MYO5B: variants seen among roughly 807,000 people sequenced by gnomAD.
The protein encoded by MYO5B is myosin VB.
In MYO5B, 143 loss-of-function variants were observed where a neutral mutation model predicts 229.3. The ratio of observed to expected loss-of-function variants is 0.62; its 90% CI spans 0.54 to 0.72. The LOEUF (loss-of-function observed/expected upper bound fraction) is 0.72, where lower values mean the gene tolerates loss of function less well. MYO5B is among the 30% of genes least tolerant of loss of function. The pLI is 0.00. For synonymous variants in MYO5B, 918 were observed against 885.2 expected, an observed-to-expected ratio of 1.04 and a Z score of -0.66; for missense variants, 2,321 against 2,331.0, an observed-to-expected ratio of 1.00 and a Z score of 0.09.
intron 4 of MYO5B, among the ~76,000 whole-genome samples, chr18:50,028,330 T>C (rs184917796): frequency 2.0e-5 from 3 of 152,322 alleles, no homozygotes; most frequent in East Asian, 3.9e-4. Context: ...AAATGCATTT[T>C]CAGGCTCCAT....
At chr18:49,865,937 T>C (rs2024390326) in intron 27 of MYO5B, among the ~76,000 whole-genome samples, 1 of 151,770 alleles carries the variant, frequency 6.6e-6, no homozygotes, top group African/African-American at 2.4e-5. Flanking sequence ...ACACATAACC[T>C]CTCCTCTCCA....
In MYO5B at chr18:49,955,398, C is replaced by G. The variant is rs552984549; in HGVS notation, c.1546-963G>C. On this transcript the variant is annotated intron_variant, in intron 12 of 39. Transcript: ENST00000285039. ...CCTCCTCTGTCATCCCTGGTCATCG[C>G]TGCACACACTTACTGACCAGTATCA... 1.4e-4 allele frequency among the ~76,000 whole-genome samples: 21 copies of G among 152,376 alleles called. No individual in the cohort carries two copies. In the East Asian group the frequency reaches 3.1e-3, roughly 22 times the overall value.
In MYO5B at chr18:50,167,641, C is replaced by T. The variant is rs61037941; in HGVS notation, c.27+27126G>A. Among the ~76,000 whole-genome samples, 672 of 152,312 alleles carry T rather than the reference C, an allele frequency of 4.4e-3. 7 individuals are homozygous for T. The highest frequency in any genetic ancestry group is 0.015 in the African/African-American group (627 of 41,562). ...CCAGCTATTTGTCCTCTAACCCAAA[C>T]CCTGCTGGCTGTTTAGGATCTGGTT... is the stretch of plus-strand genomic sequence containing the variant. On this transcript the variant is annotated intron_variant, in intron 1 of 39. Transcript: ENST00000285039.
chr18:49,966,147 C>T (rs1194547641), intron 10 of MYO5B, among the ~76,000 whole-genome samples: 3 of 152,122 alleles, frequency 2.0e-5, no homozygotes, highest in Non-Finnish European at 2.9e-5. Context: ...CCCAAAGGGG[C>T]CGGGCCGGTG....
chr18:49,863,044 G>C (rs2024349965), intron 29 of MYO5B, among the ~76,000 whole-genome samples, 183 bp downstream of exon 29: 1 of 152,140 alleles, frequency 6.6e-6, no homozygotes, highest in South Asian at 2.1e-4. Flanking sequence ...AGAGCGTGTT[G>C]CTCGAGCCTT....
chr18:50,144,802 A>G (rs2032474247), intron 1 of MYO5B, among the ~76,000 whole-genome samples: 1 of 152,196 alleles, frequency 6.6e-6, no homozygotes, highest in Non-Finnish European at 1.5e-5. Flanking sequence ...CCTAATAGGT[A>G]TACACAGTTC....
In MYO5B at chr18:49,875,713, C is replaced by T. The variant is rs779950293; in HGVS notation, c.3511G>A (p.Glu1171Lys). The T allele has an allele frequency of 1.9e-6, 3 of 1,614,160 alleles. No homozygotes were observed. The highest frequency in any genetic ancestry group is 2.5e-6 in the Non-Finnish European group (3 of 1,180,008). The change falls in exon 26 of 40, where the codon GAA (glutamate) becomes AAA (lysine). Residue 1171 changes from glutamate (E) to lysine (K), a missense_variant. Transcript: ENST00000285039. ...TGGACTTTCTTGCTGTCCTGCTGTT[C>T]TCTCTTCTCCAGCTGCACTTGCAGC... is the stretch of plus-strand genomic sequence containing the variant. ...KKLQVQLEKR[E>K]QQDSKKVQAE...
intron 14 of MYO5B, among the ~76,000 whole-genome samples, chr18:49,949,385 G>C (rs2025409173): frequency 1.3e-5 from 2 of 151,384 alleles, no homozygotes; most frequent in Admixed American, 1.3e-4. Context: ...AAATGACTCT[G>C]TTAATAACTT....
At chr18:50,183,380 T>C (rs2144351973) in intron 1 of MYO5B, among the ~76,000 whole-genome samples, 1 of 146,650 alleles carries the variant, frequency 6.8e-6, no homozygotes, top group South Asian at 2.2e-4. Flanking sequence ...ATTCTAAGAA[T>C]GGTATTATTC....
chr18:50,089,299 A>G (rs1351383523), intron 1 of MYO5B, among the ~76,000 whole-genome samples: 2 of 152,024 alleles, frequency 1.3e-5, no homozygotes, highest in African/African-American at 4.8e-5. Context: ...AATTGCTTGA[A>G]CCCAGAAGGC....
At chr18:49,910,868 G>T (rs2024949839) in intron 18 of MYO5B, among the ~76,000 whole-genome samples, 1 of 152,060 alleles carries the variant, frequency 6.6e-6, no homozygotes, top group Non-Finnish European at 1.5e-5. Context: ...AGTGATTTTT[G>T]ATATAATTTA....
rs934245975 is a variant in MYO5B at position 49,826,231 on chromosome 18, G to A, written c.*240C>T. 14 of 512,636 alleles carry A rather than the reference G, an allele frequency of 2.7e-5. No homozygotes were observed. The highest frequency in any genetic ancestry group is 4.9e-5 in the Non-Finnish European group (14 of 283,816). 31.8% of individuals were successfully genotyped at this position (512,636 alleles called of 1,614,324 possible). ...TGGTGTCTATAAATTATGTATATGT[G>A]TTGGACTGAAATCAAACTTAAAATC... On this transcript the variant is annotated 3_prime_UTR_variant, in exon 40 of 40. Coordinates refer to ENST00000285039, the MANE Select transcript of MYO5B (RefSeq NM_001080467.3).
chr18:49,938,372 C>T (rs1023282665), intron 14 of MYO5B, among the ~76,000 whole-genome samples: 1 of 152,080 alleles, frequency 6.6e-6, no homozygotes, highest in Non-Finnish European at 1.5e-5. Flanking sequence ...GTCCTGTCAT[C>T]ATCCCTTGGG....
chr18:50,105,980 C>A (rs1448052300), intron 1 of MYO5B, among the ~76,000 whole-genome samples: 1 of 152,092 alleles, frequency 6.6e-6, no homozygotes, highest in Non-Finnish European at 1.5e-5. Context: ...TAGTCACCCT[C>A]TCCAGCTACT....
At chr18:50,093,069 TAGAC>T (rs2031480784) in intron 1 of MYO5B, among the ~76,000 whole-genome samples, 1 of 151,878 alleles carries the variant, frequency 6.6e-6, no homozygotes, top group Non-Finnish European at 1.5e-5. Flanking sequence ...AATTTGTAAA[TAGAC>T]TGAAAAAATA....
At chr18:49,950,797 C>A (rs2025423197) in intron 14 of MYO5B, among the ~76,000 whole-genome samples, 1 of 152,102 alleles carries the variant, frequency 6.6e-6, no homozygotes, top group Non-Finnish European at 1.5e-5. Context: ...CCAGTACCTG[C>A]AATCTAAAAC....
chr18:50,046,175 A>T (rs1231298348), intron 2 of MYO5B, among the ~76,000 whole-genome samples: 1 of 152,222 alleles, frequency 6.6e-6, no homozygotes, highest in Non-Finnish European at 1.5e-5. Context: ...ATCGCACCGA[A>T]TAGGAGTCAA....
intron 1 of MYO5B, among the ~76,000 whole-genome samples, chr18:50,096,356 T>G (rs1421884446): frequency 6.6e-6 from 1 of 152,154 alleles, no homozygotes; most frequent in African/African-American, 2.4e-5. Context: ...TTTCCCCCTC[T>G]GAAGCATTCT....
At chr18:49,978,813 G>A (rs2025783098) in intron 9 of MYO5B, among the ~76,000 whole-genome samples, 1 of 151,978 alleles carries the variant, frequency 6.6e-6, no homozygotes, top group African/African-American at 2.4e-5. Context: ...AAGGGCCTGG[G>A]GAGGAGCAGG....
Sources: allele counts gnomAD v4.1 joint callset (sites outside exome capture counted in the v4.1 genomes callset), GRCh38; gene constraint gnomAD v4.1.1; transcripts MANE v1.5; gene names NCBI Gene and HGNC (gene_info 2026-07-23, HGNC 2026-07-21).